CCDC85C: variants seen among roughly 807,000 people sequenced by gnomAD.
CCDC85C encodes the protein coiled-coil domain-containing protein 85C.
CCDC85C carries 18 observed loss-of-function variants against 38.3 expected under a neutral mutation model. That is an observed-to-expected ratio of 0.47 (90% confidence interval 0.33 to 0.70). CCDC85C has a LOEUF of 0.70. CCDC85C is among the 30% of genes least tolerant of loss of function. CCDC85C has a pLI of 0.03. For synonymous variants in CCDC85C, 264 were observed against 293.8 expected (o/e 0.90, Z 1.04); for missense variants, 566 against 621.2 (o/e 0.91, Z 0.94).
intron 1 of CCDC85C, among the ~76,000 whole-genome samples, chr14:99,590,094 G>A (rs892482041): frequency 3.9e-4 from 59 of 152,348 alleles, no homozygotes; most frequent in African/African-American, 1.4e-3. Context: ...CCTCATGGGG[G>A]ACAAGCTTTT....
chr14:99,506,997 G>C lies in CCDC85C; in HGVS notation c.*8249C>G. 1.1e-6 allele frequency: 1 copy of C among 879,236 alleles called. No individual in the cohort carries two copies. Among genetic ancestry groups the C allele is most frequent in the Admixed American group, 1.7e-5 (1 of 59,000 alleles). 54.5% of individuals were successfully genotyped at this position (879,236 alleles called of 1,614,324 possible). ...TTGTTTTTCTCCCAAAGAAATCTCT[G>C]CCAGTACATTTTTCTTTATGACATG... On this transcript the variant is annotated 3_prime_UTR_variant, in exon 6 of 6. Transcript: ENST00000380243.
At position 99,510,869 on chromosome 14, in the gene CCDC85C, C is replaced by T; in HGVS notation, c.*4377G>A. On this transcript the variant is annotated 3_prime_UTR_variant, in exon 6 of 6. Transcript: ENST00000380243. Reference sequence around the variant, plus strand: ...TTGAAGTGGGTAAGCAGCAGGGTACCTTGTATAATGCACGACAGTTGCAGT... The same window carrying T: ...TTGAAGTGGGTAAGCAGCAGGGTACTTTGTATAATGCACGACAGTTGCAGT... 1 of 1,174,802 alleles carries T rather than the reference C, an allele frequency of 8.5e-7. No individual in the cohort carries two copies. The highest frequency in any genetic ancestry group is 1.1e-6 in the Non-Finnish European group (1 of 895,474). The allele number at this position is 1,174,802 out of a possible 1,614,324, so 72.8% of individuals were successfully genotyped here.
chr14:99,599,712 A>C (rs1369123727), intron 1 of CCDC85C, among the ~76,000 whole-genome samples: 3 of 152,116 alleles, frequency 2.0e-5, no homozygotes, highest in African/African-American at 7.2e-5. Flanking sequence ...CAACATAGTG[A>C]GATCCAGTCT....
Position 99,513,613 on chromosome 14 carries a change from G to C in CCDC85C, c.*1633C>G, listed in dbSNP as rs1430635248. ...GAGCCGCCAGCTAGGGAGAGGGACA[G>C]GGCGGCCATCTCCCTCCTCTTGCCT... On this transcript the variant is annotated 3_prime_UTR_variant, in exon 6 of 6. Transcript: ENST00000380243. 2 of 152,324 alleles carry C rather than the reference G, an allele frequency of 1.3e-5. No homozygotes were observed. The highest frequency in any genetic ancestry group is 2.9e-5 in the Non-Finnish European group (2 of 68,126). The allele number at this position is 152,324 out of a possible 1,614,324, so 9.4% of individuals were successfully genotyped here. A position where few individuals can be genotyped will look rare whatever the true frequency, so the allele number is the denominator to read the frequency against.
intron 1 of CCDC85C, chr14:99,579,966 G>A (rs556308888): frequency 4.5e-6 from 2 of 443,874 alleles, no homozygotes; most frequent in Non-Finnish European, 9.1e-6. Context: ...CCAGGGTAGG[G>A]CATTAATCAC....
chr14:99,500,600 G>T lies in CCDC85C; in HGVS notation c.*14646C>A. On this transcript the variant is annotated 3_prime_UTR_variant, in exon 6 of 6. Coordinates refer to ENST00000380243, the MANE Select transcript of CCDC85C (RefSeq NM_001144995.2). Reference sequence around the variant, plus strand: ...TTTGAGATCTTTTCAGAATTTATCAGTGTCTCTGAGCATGTTAAAAGTCTG... The same window carrying T: ...TTTGAGATCTTTTCAGAATTTATCATTGTCTCTGAGCATGTTAAAAGTCTG... 2 of 584,672 alleles carry T rather than the reference G, an allele frequency of 3.4e-6. No homozygotes were observed. The highest frequency in any genetic ancestry group is 6.1e-6 in the Non-Finnish European group (2 of 329,522). The allele number at this position is 584,672 out of a possible 1,614,324, so 36.2% of individuals were successfully genotyped here.
rs188747841 is a variant in CCDC85C at position 99,557,189 on chromosome 14, G to A, written c.794-21101C>T. On this transcript the variant is annotated intron_variant, in intron 1 of 5. Transcript: ENST00000380243. ...TTGAAAAGTGAGGAAACTGAGGCTC[G>A]CAGAGATGAAGAGACTCATCTAAGA... Among the ~76,000 whole-genome samples, 93 of 152,322 alleles carry A rather than the reference G, an allele frequency of 6.1e-4. 1 individual carries two copies. Among genetic ancestry groups the A allele is most frequent in the East Asian group, 2.3e-3 (12 of 5,178 alleles).
At position 99,569,659 on chromosome 14, in the gene CCDC85C, C is replaced by A. The variant is rs1412031984; in HGVS notation, c.793+33508G>T. Reference sequence around the variant, plus strand: ...AGCCTCAAACCTGGATCCTACACCACCCCAGGCAACCTCATCAGCACTTGA... The same window carrying A: ...AGCCTCAAACCTGGATCCTACACCAACCCAGGCAACCTCATCAGCACTTGA... On this transcript the variant is annotated intron_variant, in intron 1 of 5. Transcript: ENST00000380243. This position sits in a 1 kb window ranked among gnomAD's most constrained non-coding sequence, Gnocchi z 4.3. 1.3e-4 allele frequency among the ~76,000 whole-genome samples: 20 copies of A among 152,196 alleles called. No homozygotes were observed. The highest frequency in any genetic ancestry group is 1.3e-3 in the Admixed American group (20 of 15,276).
At chr14:99,565,889 A>T (rs536564537) in intron 1 of CCDC85C, among the ~76,000 whole-genome samples, 1 of 152,338 alleles carries the variant, frequency 6.6e-6, no homozygotes, top group East Asian at 1.9e-4. Flanking sequence ...ACACGAGGGC[A>T]TGCCAGCAGC....
chr14:99,512,620 G>A lies in CCDC85C; in HGVS notation c.*2626C>T, dbSNP rs1029237615. On this transcript the variant is annotated 3_prime_UTR_variant, in exon 6 of 6. Transcript: ENST00000380243. Reference sequence around the variant, plus strand: ...GGCCACCTGGGCTGGGGCGAAAGGAGACCTCCATCTGTCACAGTGGAAACT... The same window carrying A: ...GGCCACCTGGGCTGGGGCGAAAGGAAACCTCCATCTGTCACAGTGGAAACT... 1 of 152,216 alleles carries A rather than the reference G, an allele frequency of 6.6e-6. No homozygotes were observed. The highest frequency in any genetic ancestry group is 1.9e-4 in the East Asian group (1 of 5,194). The allele number at this position is 152,216 out of a possible 1,614,324, so 9.4% of individuals were successfully genotyped here.
In CCDC85C at chr14:99,516,896, G is replaced by A. The variant is rs1415959546; in HGVS notation, c.1071+192C>T. Among the ~76,000 whole-genome samples, 1 of 152,082 alleles carries A rather than the reference G, an allele frequency of 6.6e-6. No homozygotes were observed. The highest frequency in any genetic ancestry group is 1.5e-5 in the Non-Finnish European group (1 of 68,000). On this transcript the variant is annotated intron_variant, in intron 4 of 5. Coordinates refer to ENST00000380243, the MANE Select transcript of CCDC85C (RefSeq NM_001144995.2). The surrounding 1 kb of genome is among the most constrained non-coding windows in gnomAD (Gnocchi z 5.5). ...GCAGTAGCTCAGGGATGGCAGACAGGTGACACACTTATGACTGCCACCTCT... is the reference window on the plus strand; with the variant it reads ...GCAGTAGCTCAGGGATGGCAGACAGATGACACACTTATGACTGCCACCTCT...
Position 99,503,656 on chromosome 14 carries a change from T to C in CCDC85C, c.*11590A>G, listed in dbSNP as rs1896898519. ...GAACAAAGCAGCAGGTAATTTCCTG[T>C]TCTGATGTTTTTTTAGTTTTATGTG... On this transcript the variant is annotated 3_prime_UTR_variant, in exon 6 of 6. Coordinates refer to ENST00000380243, the MANE Select transcript of CCDC85C (RefSeq NM_001144995.2). 2 of 1,553,210 alleles carry C rather than the reference T, an allele frequency of 1.3e-6. No homozygotes were observed. Among genetic ancestry groups the C allele is most frequent in the Admixed American group, 2.0e-5 (1 of 50,814 alleles).
At chr14:99,566,496 C>T (rs891022626) in intron 1 of CCDC85C, among the ~76,000 whole-genome samples, 13 of 152,152 alleles carry the variant, frequency 8.5e-5, no homozygotes, top group African/African-American at 2.4e-4. Flanking sequence ...CCCCTCCATC[C>T]GGAGAGGTGG....
intron 3 of CCDC85C, among the ~76,000 whole-genome samples, chr14:99,519,534 G>T (rs1012697365): frequency 2.6e-5 from 4 of 152,092 alleles, no homozygotes; most frequent in African/African-American, 4.8e-5. Context: ...CTCCTGAGCT[G>T]GTGCCCAAAG....
rs901249847 is a variant in CCDC85C, at chr14:99,533,736, G to A, written c.867+2279C>T. Among the ~76,000 whole-genome samples the A allele has an allele frequency of 7.2e-5, 11 of 152,190 alleles. No homozygotes were observed. The South Asian group carries it at 1.0e-3, about 14-fold the overall frequency. On this transcript the variant is annotated intron_variant, in intron 2 of 5. Coordinates refer to ENST00000380243, the MANE Select transcript of CCDC85C (RefSeq NM_001144995.2). This position sits in a 1 kb window ranked among gnomAD's most constrained non-coding sequence, Gnocchi z 4.2. The stretch of plus-strand genomic sequence containing the variant: ...AGAGGTCCCTGGGCAGAGCCAGCCC[G>A]TCCATCCTTGAGGCTCAAGGCTGAA...
intron 1 of CCDC85C, among the ~76,000 whole-genome samples, chr14:99,571,079 G>C (rs190185647): frequency 1.3e-5 from 2 of 152,274 alleles, no homozygotes; most frequent in East Asian, 3.9e-4. Context: ...CCACCTGCCA[G>C]GGACACTCCC....
At chr14:99,555,466 C>A (rs1897992974) in intron 1 of CCDC85C, among the ~76,000 whole-genome samples, 1 of 152,248 alleles carries the variant, frequency 6.6e-6, no homozygotes, top group Non-Finnish European at 1.5e-5. Flanking sequence ...GCCTTCAAAT[C>A]CCTTCTCCTC....
rs781590046 is a variant in CCDC85C, at chr14:99,502,592, TG to T, written c.*12653del. 4 of 1,194,260 alleles carry T rather than the reference TG, an allele frequency of 3.3e-6. No individual in the cohort carries two copies. Among genetic ancestry groups the T allele is most frequent in the Non-Finnish European group, 4.7e-6 (4 of 848,718 alleles). 74.0% of individuals were successfully genotyped at this position (1,194,260 alleles called of 1,614,324 possible). A position where few individuals can be genotyped will look rare whatever the true frequency, so the allele number is the denominator to read the frequency against. ...ACACCAGTGTTGCACACAACGAAGA[TG>T]GGGTGAGTTGTAAATGTGATTCATG... On this transcript the variant is annotated 3_prime_UTR_variant, in exon 6 of 6. Coordinates refer to ENST00000380243, the MANE Select transcript of CCDC85C (RefSeq NM_001144995.2).
intron 1 of CCDC85C, among the ~76,000 whole-genome samples, chr14:99,564,079 C>T (rs1898169369): frequency 6.6e-6 from 1 of 152,192 alleles, no homozygotes; most frequent in Admixed American, 6.5e-5. Flanking sequence ...GGGGACTTGC[C>T]TTTGCAATTG....
Sources: gnomAD v4.1 joint callset for allele counts (sites outside exome capture counted in the v4.1 genomes callset) on GRCh38, gnomAD v4.1.1 for gene constraint, Gnocchi (gnomAD v3.1) non-coding constraint, MANE v1.5 for transcripts, NCBI Gene and HGNC (gene_info 2026-07-23, HGNC 2026-07-21) for gene names.